The following NXPH1 variants were observed in gnomAD, a reference collection of about 807,000 sequenced individuals.
The protein encoded by NXPH1 is neurexophilin 1, also known as neurexophilin-1.
A neutral mutation model predicts 23.7 loss-of-function variants in NXPH1; 5 were observed. The ratio of observed to expected loss-of-function variants is 0.21; its 90% confidence interval spans 0.11 to 0.44. The LOEUF (loss-of-function observed/expected upper bound fraction) is 0.44, where lower values mean the gene tolerates loss of function less well. NXPH1 is among the 20% of genes least tolerant of loss of function. The pLI is 0.99. For missense variants in NXPH1, 324 were observed against 321.6 expected, an observed-to-expected ratio of 1.01 and a Z score of -0.06; for synonymous variants, 144 against 122.2, an observed-to-expected ratio of 1.18 and a Z score of -1.18.
Position 8,434,209 on chromosome 7 carries a change from T to C in NXPH1, c.-657T>C, listed in dbSNP as rs1454274393. On this transcript the variant is annotated 5_prime_UTR_variant, in exon 1 of 3. Transcript: ENST00000405863. This position sits in a 1 kb window ranked among gnomAD's most constrained non-coding sequence, Gnocchi z 7.6. ...CCACCCCTCCCTCAGAAACTCGGACTGCTCTCGTCTGCCGTGTGGTTCTCT... is the reference window on the plus strand; with the variant it reads ...CCACCCCTCCCTCAGAAACTCGGACCGCTCTCGTCTGCCGTGTGGTTCTCT... 6.5e-6 allele frequency: 1 copy of C among 153,016 alleles called. No homozygotes were observed. Among genetic ancestry groups the C allele is most frequent in the Non-Finnish European group, 1.5e-5 (1 of 68,490 alleles). 9.5% of individuals were successfully genotyped at this position (153,016 alleles called of 1,614,324 possible). A position where few individuals can be genotyped will look rare whatever the true frequency, so the allele number is the denominator to read the frequency against.
chr7:8,638,004 A>G lies in NXPH1; in HGVS notation c.55-113004A>G, dbSNP rs78009435. Among the ~76,000 whole-genome samples, 1,139 of 152,312 alleles carry G rather than the reference A, an allele frequency of 7.5e-3. 9 individuals carry two copies. Among genetic ancestry groups the G allele is most frequent in the African/African-American group, 0.026 (1,089 of 41,580 alleles). ...TTAAATAAAACAAACTCCTCCAAAAATAAAAAGTCAGCTAAAGAAAATTGG... is the reference window on the plus strand; with the variant it reads ...TTAAATAAAACAAACTCCTCCAAAAGTAAAAAGTCAGCTAAAGAAAATTGG... On this transcript the variant is annotated intron_variant, in intron 2 of 2. Transcript: ENST00000405863.
intron 2 of NXPH1, among the ~76,000 whole-genome samples, chr7:8,703,368 A>C (rs1779657111): frequency 6.6e-6 from 1 of 152,094 alleles, no homozygotes; most frequent in Non-Finnish European, 1.5e-5. Context: ...ATACCTGTGA[A>C]ATCACTTCCC....
At chr7:8,705,977 T>G (rs1473103320) in intron 2 of NXPH1, among the ~76,000 whole-genome samples, 4 of 152,314 alleles carry the variant, frequency 2.6e-5, no homozygotes, top group Non-Finnish European at 5.9e-5. Flanking sequence ...CTGCAGCTAG[T>G]AACACTGCAG....
intron 2 of NXPH1, among the ~76,000 whole-genome samples, chr7:8,560,947 G>A (rs148298117): frequency 1.3e-5 from 2 of 151,706 alleles, no homozygotes; most frequent in African/African-American, 4.8e-5. Flanking sequence ...GCTTCACCAT[G>A]CTAACCTTTG....
intron 2 of NXPH1, among the ~76,000 whole-genome samples, chr7:8,703,753 C>T (rs1779663014): frequency 6.6e-6 from 1 of 152,068 alleles, no homozygotes; most frequent in Non-Finnish European, 1.5e-5. Context: ...GTTAGATAAT[C>T]AGAGAGCTTT....
At chr7:8,548,453 T>C (rs963412008) in intron 2 of NXPH1, among the ~76,000 whole-genome samples, 1 of 151,568 alleles carries the variant, frequency 6.6e-6, no homozygotes, top group Non-Finnish European at 1.5e-5. Flanking sequence ...ATATCAAAAC[T>C]CTTTGACTTA....
chr7:8,605,947 G>T (rs955345099), intron 2 of NXPH1, among the ~76,000 whole-genome samples: 1 of 152,022 alleles, frequency 6.6e-6, no homozygotes, highest in Non-Finnish European at 1.5e-5. Context: ...TAAATAAAAT[G>T]AGGCCAACAT....
rs185641311 is a variant in NXPH1 at position 8,524,596 on chromosome 7, T to G, written c.54+88829T>G. Among the ~76,000 whole-genome samples, 289 of 152,292 alleles carry G rather than the reference T, an allele frequency of 1.9e-3. 2 individuals are homozygous for G. Among genetic ancestry groups the G allele is most frequent in the Non-Finnish European group, 3.7e-3 (250 of 68,036 alleles). On this transcript the variant is annotated intron_variant, in intron 2 of 2. Transcript: ENST00000405863. ...GTGTCTGATATGGTTTAGCTCTGTC[T>G]CCACCCAAATCTTAACTTGAAATAT...
intron 2 of NXPH1, among the ~76,000 whole-genome samples, chr7:8,624,059 T>C (rs1328613078): frequency 6.6e-6 from 1 of 152,084 alleles, no homozygotes; most frequent in Non-Finnish European, 1.5e-5. Context: ...GGAAGGGGGA[T>C]AAATAGGTCA....
chr7:8,609,147 C>T (rs186484157), intron 2 of NXPH1, among the ~76,000 whole-genome samples: 2 of 152,146 alleles, frequency 1.3e-5, no homozygotes, highest in East Asian at 3.9e-4. Flanking sequence ...TATATTAGGT[C>T]CAAAGATATA....
intron 2 of NXPH1, among the ~76,000 whole-genome samples, chr7:8,599,564 C>T (rs1422374966): frequency 6.6e-6 from 1 of 152,100 alleles, no homozygotes; most frequent in East Asian, 1.9e-4. Context: ...TTAGGATTAC[C>T]TATTCATCAG....
At chr7:8,546,799 T>C (rs570713600) in intron 2 of NXPH1, among the ~76,000 whole-genome samples, 2 of 151,456 alleles carry the variant, frequency 1.3e-5, no homozygotes, top group East Asian at 2.0e-4. Flanking sequence ...GCTTAACGTA[T>C]TGATGCTCAT....
At chr7:8,706,764 G>A (rs1038192887) in intron 2 of NXPH1, among the ~76,000 whole-genome samples, 1 of 152,144 alleles carries the variant, frequency 6.6e-6, no homozygotes, top group Non-Finnish European at 1.5e-5. Flanking sequence ...TGACTAATCT[G>A]ACAGTTGTAG....
At chr7:8,517,223 G>A (rs1374491959) in intron 2 of NXPH1, among the ~76,000 whole-genome samples, 1 of 152,148 alleles carries the variant, frequency 6.6e-6, no homozygotes, top group Non-Finnish European at 1.5e-5. Context: ...GGGAAGGACA[G>A]GGTGTTGCGG....
At chr7:8,524,515 G>T (rs944699326) in intron 2 of NXPH1, among the ~76,000 whole-genome samples, 3 of 152,214 alleles carry the variant, frequency 2.0e-5, no homozygotes, top group South Asian at 2.1e-4. Context: ...AGCATGGATT[G>T]TTCCTCTCTC....
In NXPH1 at chr7:8,751,771, G is replaced by T; in HGVS notation, c.*2G>T. On this transcript the variant is annotated 3_prime_UTR_variant, in exon 3 of 3. Coordinates refer to ENST00000405863, the MANE Select transcript of NXPH1 (RefSeq NM_152745.3). The surrounding 1 kb of genome is among the most constrained non-coding windows in gnomAD (Gnocchi z 4.5). ...ACACCTTACTTTCCCTCGGGATGAAGGTGAACATGGGGGTGAGACTGAAGC... is the reference window on the plus strand; with the variant it reads ...ACACCTTACTTTCCCTCGGGATGAATGTGAACATGGGGGTGAGACTGAAGC... 6.2e-7 allele frequency: 1 copy of T among 1,604,056 alleles called. No homozygotes were observed. Among genetic ancestry groups the T allele is most frequent in the Non-Finnish European group, 8.5e-7 (1 of 1,175,318 alleles).
At position 8,608,382 on chromosome 7, in the gene NXPH1, C is replaced by T. The variant is rs75222069; in HGVS notation, c.55-142626C>T. Among the ~76,000 whole-genome samples, 119 of 149,110 alleles carry T rather than the reference C, an allele frequency of 8.0e-4. 1 individual carries two copies. The East Asian group carries it at 0.02, about 25-fold the overall frequency. ...TTGCTTTGTCATCCAGGCTGCAGTG[C>T]AGTGGAGTGGTCACAACTCACTGCA... On this transcript the variant is annotated intron_variant, in intron 2 of 2. Coordinates refer to ENST00000405863, the MANE Select transcript of NXPH1 (RefSeq NM_152745.3).
At chr7:8,614,434 G>A (rs1819689477) in intron 2 of NXPH1, among the ~76,000 whole-genome samples, 1 of 151,690 alleles carries the variant, frequency 6.6e-6, no homozygotes, top group African/African-American at 2.4e-5. Flanking sequence ...ATATATGTCT[G>A]TATGTGTATA....
At chr7:8,671,271 G>A (rs552325270) in intron 2 of NXPH1, among the ~76,000 whole-genome samples, 1 of 152,188 alleles carries the variant, frequency 6.6e-6, no homozygotes, top group African/African-American at 2.4e-5. Context: ...AAGAACATAT[G>A]TTTGACTAAG....
Sources: gnomAD v4.1 joint callset for allele counts (sites outside exome capture counted in the v4.1 genomes callset) on GRCh38, gnomAD v4.1.1 for gene constraint, Gnocchi (gnomAD v3.1) non-coding constraint, MANE v1.5 for transcripts, NCBI Gene and HGNC (gene_info 2026-07-23, HGNC 2026-07-21) for gene names.